HMCN1: variants seen among roughly 807,000 people sequenced by gnomAD.
The protein encoded by HMCN1 is hemicentin-1.
A neutral mutation model predicts 625.9 loss-of-function variants in HMCN1; 321 were observed. That is an observed-to-expected ratio of 0.51 (90% CI 0.47 to 0.56). The LOEUF (loss-of-function observed/expected upper bound fraction) is 0.56. Among genes scored for constraint, HMCN1 ranks in the 20% least tolerant of loss-of-function variants. HMCN1 has a pLI of 0.00. For synonymous variants in HMCN1, 2,425 were observed against 2,417.6 expected (o/e 1.00, Z -0.09); for missense variants, 6,588 against 6,887.3 (o/e 0.96, Z 1.54).
chr1:185,977,701 G>T (rs1347865060), intron 15 of HMCN1, 86 bp from the exon 16 acceptor site: 2 of 873,152 alleles, frequency 2.3e-6, no homozygotes, highest in Non-Finnish European at 3.9e-6. Flanking sequence ...CAAATTCAAT[G>T]ATTTGACAGT....
At chr1:186,075,023 A>T (rs1345498589) in intron 53 of HMCN1, 132 bp downstream of exon 53, 2 of 751,852 alleles carry the variant, frequency 2.7e-6, no homozygotes, top group African/African-American at 3.5e-5. Context: ...GAAAATTTAG[A>T]CTCGAGAATT....
chr1:185,957,883 A>G (rs973936433), intron 11 of HMCN1, among the ~76,000 whole-genome samples: 1 of 150,906 alleles, frequency 6.6e-6, no homozygotes, highest in Non-Finnish European at 1.5e-5. Flanking sequence ...TATTATAACC[A>G]CATGCTCATT....
In HMCN1 at chr1:186,045,807, CA is replaced by C; in HGVS notation, c.6425del (p.His2142ProfsTer4). On this transcript the variant is annotated frameshift_variant, in exon 41 of 107. Coordinates refer to ENST00000271588, the MANE Select transcript of HMCN1 (RefSeq NM_031935.3). LOFTEE classifies it high-confidence loss of function. ...TACTCTTACTTGGTTAAAAGACGGC[CA>C]CCCCTTGCTGAAGAAACCAGGCCTC... ...PPTLTWLKDG[H>X]PLLKKPGLSI... is the part of the protein sequence containing the mutation. 1 of 1,612,948 alleles carries C rather than the reference CA, an allele frequency of 6.2e-7. No individual in the cohort carries two copies. The highest frequency in any genetic ancestry group is 8.5e-7 in the Non-Finnish European group (1 of 1,179,184).
In HMCN1 at chr1:185,965,108, C is replaced by A. The variant is rs1047638577; in HGVS notation, c.2099-694C>A. Among the ~76,000 whole-genome samples, 12 of 152,052 alleles carry A rather than the reference C, an allele frequency of 7.9e-5. No individual in the cohort carries two copies. In the East Asian group the frequency reaches 2.3e-3, roughly 29 times the overall value. On this transcript the variant is annotated intron_variant, in intron 13 of 106. Coordinates refer to ENST00000271588, the MANE Select transcript of HMCN1 (RefSeq NM_031935.3). ...ATACCTCAGCTGAAGCTAGGAAGTC[C>A]TAAAATATCTCGTTAAGAGAAAATG... is the stretch of plus-strand genomic sequence containing the variant.
At chr1:186,039,193 T>G (rs1198813421) in intron 38 of HMCN1, among the ~76,000 whole-genome samples, 188 bp downstream of exon 38, 1 of 152,236 alleles carries the variant, frequency 6.6e-6, no homozygotes, top group South Asian at 2.1e-4. Context: ...AATTTCCACA[T>G]GCTGTTGACT....
intron 57 of HMCN1, among the ~76,000 whole-genome samples, chr1:186,085,955 T>A (rs908078526): frequency 5.3e-5 from 8 of 152,122 alleles, no homozygotes; most frequent in Non-Finnish European, 8.8e-5. Flanking sequence ...GCACATTAGG[T>A]CTCCTTTGTA....
At chr1:186,096,407 T>G (rs2038601) in intron 68 of HMCN1, among the ~76,000 whole-genome samples, 95,647 of 151,998 alleles carry the variant, frequency 0.63, 31,842 homozygotes, top group African/African-American at 0.87. Context: ...TAGAGACTAT[T>G]AATGTGTTAT....
In HMCN1 at chr1:185,923,533, T is replaced by C. The variant is rs777770411; in HGVS notation, c.1165T>C (p.Trp389Arg). The change falls in exon 8 of 107, where the codon TGG becomes CGG. Residue 389 changes from tryptophan to arginine, a missense_variant. Physicochemically the swap from Trp to Arg is moderately radical, Grantham distance 101. Transcript: ENST00000271588. ...YYPHRKPYGIWNISDFVPPNE... is the reference protein window; with the variant it reads ...YYPHRKPYGIRNISDFVPPNE... ...CCCACATCGAAAACCTTATGGCATA[T>C]GGAATATTTCTGACTTTGTACCACC... 33 of 1,612,406 alleles carry C rather than the reference T, an allele frequency of 2.0e-5. No individual in the cohort carries two copies. Among genetic ancestry groups the C allele is most frequent in the South Asian group, 4.4e-5 (4 of 91,060 alleles).
At chr1:185,924,762 T>C (rs2102480092) in intron 8 of HMCN1, among the ~76,000 whole-genome samples, 1 of 152,294 alleles carries the variant, frequency 6.6e-6, no homozygotes, top group Admixed American at 6.5e-5. Flanking sequence ...GGTAGTATTT[T>C]TTCTATCTTG....
In HMCN1 at chr1:185,817,896, A is replaced by G. The variant is rs115509936; in HGVS notation, c.269-28130A>G. Among the ~76,000 whole-genome samples, 1,334 of 152,256 alleles carry G rather than the reference A, an allele frequency of 8.8e-3. 15 individuals are homozygous for G. Among genetic ancestry groups the G allele is most frequent in the African/African-American group, 0.031 (1,272 of 41,540 alleles). On this transcript the variant is annotated intron_variant, in intron 1 of 106. Coordinates refer to ENST00000271588, the MANE Select transcript of HMCN1 (RefSeq NM_031935.3). ...GAAGGCAATTTAGTCAGGCTTAAATACTTTTAGTCCTTTACAGCTACTATG... is the reference window on the plus strand; with the variant it reads ...GAAGGCAATTTAGTCAGGCTTAAATGCTTTTAGTCCTTTACAGCTACTATG...
intron 36 of HMCN1, among the ~76,000 whole-genome samples, chr1:186,035,003 A>C (rs1655724654): frequency 6.6e-6 from 1 of 152,174 alleles, no homozygotes; most frequent in Non-Finnish European, 1.5e-5. Flanking sequence ...CAGCAGCGAC[A>C]TAGTCTGTCA....
intron 50 of HMCN1, among the ~76,000 whole-genome samples, chr1:186,069,201 G>A (rs1204545149): frequency 6.6e-6 from 1 of 152,180 alleles, no homozygotes; most frequent in Admixed American, 6.6e-5. Flanking sequence ...TTGAATGCCT[G>A]AATTAAGAAT....
intron 10 of HMCN1, 66 bp from the exon 11 acceptor site, chr1:185,933,483 A>T: frequency 6.5e-7 from 1 of 1,537,820 alleles, no homozygotes; most frequent in Non-Finnish European, 9.0e-7. Flanking sequence ...CAGTTTTTAA[A>T]CCACATCTGT....
chr1:185,975,246 A>G (rs554540708), intron 15 of HMCN1, among the ~76,000 whole-genome samples: 2 of 152,286 alleles, frequency 1.3e-5, no homozygotes, highest in East Asian at 1.9e-4. Flanking sequence ...TCACATTGCT[A>G]TAAAGAAATT....
At chr1:186,063,203 C>T (rs1657867304) in intron 48 of HMCN1, among the ~76,000 whole-genome samples, 1 of 147,122 alleles carries the variant, frequency 6.8e-6, no homozygotes, top group Non-Finnish European at 1.5e-5. Context: ...ATGCAGGTAT[C>T]TTTTTGTTAT....
At chr1:185,889,037 T>C (rs1229852613) in intron 4 of HMCN1, among the ~76,000 whole-genome samples, 1 of 143,828 alleles carries the variant, frequency 7.0e-6, no homozygotes, top group East Asian at 1.9e-4. Context: ...CCCTTGTAAG[T>C]TGGATTCCTA....
intron 4 of HMCN1, among the ~76,000 whole-genome samples, chr1:185,874,455 C>G (rs1663810532): frequency 6.6e-6 from 1 of 151,936 alleles, no homozygotes; most frequent in Non-Finnish European, 1.5e-5. Flanking sequence ...AGAGTCCATG[C>G]TTCATATATT....
chr1:186,075,874 G>A (rs1658780986), intron 53 of HMCN1, among the ~76,000 whole-genome samples: 1 of 152,018 alleles, frequency 6.6e-6, no homozygotes, highest in Admixed American at 6.5e-5. Flanking sequence ...ACTTTTTTCT[G>A]TGATAAATTT....
In HMCN1 at chr1:186,178,477, C is replaced by A; in HGVS notation, c.16005C>A (p.Gly5335=). 1 of 1,614,100 alleles carries A rather than the reference C, an allele frequency of 6.2e-7. No individual in the cohort carries two copies. The highest frequency in any genetic ancestry group is 2.2e-5 in the East Asian group (1 of 44,876). Residue 5335 remains glycine (G), a synonymous_variant, in exon 104 of 107, where the codon GGC becomes GGA. Coordinates refer to ENST00000271588, the MANE Select transcript of HMCN1 (RefSeq NM_031935.3). ...CACATCAGTGCTCCAACACCCCCGG[C>A]AGCTTCAAGTGTATCTGTCCACCAG... ...PCAHQCSNTP[G]SFKCICPPGQ...
Sources: allele counts gnomAD v4.1 joint callset (sites outside exome capture counted in the v4.1 genomes callset), GRCh38; gene constraint gnomAD v4.1.1; transcripts MANE v1.5; gene names NCBI Gene and HGNC (gene_info 2026-07-23, HGNC 2026-07-21).